The following FOXP1 variants were observed in gnomAD, a reference collection of about 807,000 sequenced individuals.
FOXP1 encodes forkhead box protein P1.
In FOXP1, 15 loss-of-function variants were observed where a neutral mutation model predicts 98.2. That is an observed-to-expected ratio of 0.15 (90% CI 0.10 to 0.24). FOXP1 has a LOEUF of 0.24. Ranked by LOEUF, FOXP1 falls within the 10% of genes least tolerant of loss-of-function variation. FOXP1 has a pLI of 1.00. For missense variants in FOXP1, 633 were observed against 848.5 expected, an observed-to-expected ratio of 0.75 and a Z score of 3.15; for synonymous variants, 371 against 314.5, an observed-to-expected ratio of 1.18 and a Z score of -1.90.
At chr3:71,223,298 A>C (rs116381171) in intron 5 of FOXP1, among the ~76,000 whole-genome samples, 1 of 142,252 alleles carries the variant, frequency 7.0e-6, no homozygotes, top group South Asian at 2.4e-4. Flanking sequence ...TTTCATACCT[A>C]CATTATGCTA....
intron 4 of FOXP1, among the ~76,000 whole-genome samples, chr3:71,316,504 C>T (rs909985833): frequency 4.6e-5 from 7 of 152,072 alleles, no homozygotes; most frequent in Non-Finnish European, 1.0e-4. Flanking sequence ...CCGGGTCCCA[C>T]GTGGGGCCCG....
intron 4 of FOXP1, among the ~76,000 whole-genome samples, chr3:71,303,316 T>A (rs1171929773): frequency 1.3e-5 from 2 of 152,178 alleles, no homozygotes; most frequent in East Asian, 1.9e-4. Context: ...CCAGTCTTAA[T>A]AAAGATGCAA....
chr3:71,444,170 G>A (rs1049018888), intron 3 of FOXP1, among the ~76,000 whole-genome samples: 1 of 152,162 alleles, frequency 6.6e-6, no homozygotes, highest in Non-Finnish European at 1.5e-5. Flanking sequence ...CTTACCACAC[G>A]TGTACTCGGC....
chr3:71,417,250 T>G (rs2083288324), intron 3 of FOXP1, among the ~76,000 whole-genome samples: 1 of 152,106 alleles, frequency 6.6e-6, no homozygotes, highest in Non-Finnish European at 1.5e-5. Flanking sequence ...ACATTTTGAG[T>G]CCCCACCTCA....
intron 3 of FOXP1, among the ~76,000 whole-genome samples, chr3:71,422,657 C>G (rs943064318): frequency 6.6e-6 from 1 of 152,218 alleles, no homozygotes; most frequent in African/African-American, 2.4e-5. Context: ...AATAATCGCC[C>G]AAGCTGCAAC....
chr3:71,006,016 A>G (rs1020381350), intron 12 of FOXP1, among the ~76,000 whole-genome samples: 6 of 152,060 alleles, frequency 3.9e-5, no homozygotes, highest in African/African-American at 1.4e-4. Flanking sequence ...AACACGGGGG[A>G]AAAAGGCAGC....
intron 5 of FOXP1, among the ~76,000 whole-genome samples, chr3:71,268,746 C>A (rs1284451133): frequency 6.6e-6 from 1 of 152,138 alleles, no homozygotes; most frequent in East Asian, 1.9e-4. Flanking sequence ...ACCCAAAGGG[C>A]GGTTATCGCT....
At chr3:71,277,750 T>G (rs2071065686) in intron 5 of FOXP1, among the ~76,000 whole-genome samples, 2 of 150,042 alleles carry the variant, frequency 1.3e-5, no homozygotes, top group Admixed American at 6.7e-5. Flanking sequence ...AACTAAACTG[T>G]TTACCTTCAT....
intron 3 of FOXP1, among the ~76,000 whole-genome samples, chr3:71,404,132 T>C (rs1444070760): frequency 3.1e-5 from 4 of 130,806 alleles, no homozygotes; most frequent in Non-Finnish European, 5.0e-5. Flanking sequence ...TTTTTTTTTT[T>C]TTTTTTTTTT....
At chr3:70,968,317 C>G (rs2035406745) in intron 19 of FOXP1, 1 of 151,994 alleles carries the variant, frequency 6.6e-6, no homozygotes, top group Middle Eastern at 3.4e-3. Context: ...GAGCAACCCA[C>G]CCAAGGTTAG....
chr3:71,331,563 A>C (rs1407855524), intron 4 of FOXP1, among the ~76,000 whole-genome samples: 1 of 152,344 alleles, frequency 6.6e-6, no homozygotes, highest in Non-Finnish European at 1.5e-5. Context: ...TGGGCTCCTG[A>C]GTCTAGTGGG....
At chr3:71,308,831 C>T (rs909118223) in intron 4 of FOXP1, among the ~76,000 whole-genome samples, 1 of 143,490 alleles carries the variant, frequency 7.0e-6, no homozygotes, top group African/African-American at 2.6e-5. Flanking sequence ...AGCTCCAAAG[C>T]AACTCTTTAT....
chr3:71,577,271 G>A (rs984052799), intron 2 of FOXP1, among the ~76,000 whole-genome samples: 4 of 152,032 alleles, frequency 2.6e-5, no homozygotes, highest in African/African-American at 9.7e-5. Context: ...TACCAGCCTC[G>A]TAGCCCTAAC....
At chr3:71,283,139 G>A (rs1330813575) in intron 5 of FOXP1, among the ~76,000 whole-genome samples, 2 of 152,194 alleles carry the variant, frequency 1.3e-5, no homozygotes, top group East Asian at 3.9e-4. Context: ...GGCTGAGAGA[G>A]GGAGAGGAAG....
intron 4 of FOXP1, among the ~76,000 whole-genome samples, chr3:71,304,137 A>T (rs2074080976): frequency 1.3e-5 from 2 of 152,080 alleles, no homozygotes; most frequent in Admixed American, 1.3e-4. Context: ...TAGGGCAAAA[A>T]CCTAAAATAT....
chr3:70,992,493 T>C (rs530597631), intron 13 of FOXP1, among the ~76,000 whole-genome samples: 1 of 152,166 alleles, frequency 6.6e-6, no homozygotes, highest in East Asian at 1.9e-4. Context: ...ACTGAGCATT[T>C]ATCAATTATT....
intron 2 of FOXP1, among the ~76,000 whole-genome samples, chr3:71,578,036 T>A (rs910726265): frequency 2.6e-5 from 4 of 151,584 alleles, no homozygotes; most frequent in African/African-American, 9.7e-5. Flanking sequence ...GTGTGACATC[T>A]GACAGGATAA....
At chr3:71,353,985 C>T (rs1288691) in intron 4 of FOXP1, among the ~76,000 whole-genome samples, 33,595 of 151,986 alleles carry the variant, frequency 0.22, 4,287 homozygotes, top group Non-Finnish European at 0.29. Context: ...TCAGGACCGA[C>T]ACATCAAGTA....
At chr3:71,223,164 T>C (rs2065533449) in intron 5 of FOXP1, among the ~76,000 whole-genome samples, 2 of 151,978 alleles carry the variant, frequency 1.3e-5, no homozygotes, top group Admixed American at 1.3e-4. Flanking sequence ...CTAAAAAGAG[T>C]CTCAACTCCT....
Sources: allele counts gnomAD v4.1 joint callset (sites outside exome capture counted in the v4.1 genomes callset), GRCh38; gene constraint gnomAD v4.1.1; transcripts MANE v1.5; gene names NCBI Gene and HGNC (gene_info 2026-07-23, HGNC 2026-07-21).